The following KMT5B variants were observed in gnomAD, a reference collection of about 807,000 sequenced individuals.
KMT5B encodes the protein histone-lysine N-methyltransferase KMT5B.
KMT5B carries 10 observed loss-of-function variants against 83.2 expected under a neutral mutation model. The observed-to-expected ratio is 0.12, with a 90% CI of 0.07 to 0.20. The LOEUF (loss-of-function observed/expected upper bound fraction) is 0.20. KMT5B is among the 10% of genes least tolerant of loss of function. The pLI, the probability that KMT5B is intolerant of heterozygous loss-of-function variation, is 1.00. For synonymous variants in KMT5B, 349 were observed against 388.8 expected (o/e 0.90, Z 1.20); for missense variants, 753 against 1,067.2 (o/e 0.71, Z 4.10).
chr11:68,187,973 T>C (rs895568670), intron 2 of KMT5B, among the ~76,000 whole-genome samples: 20 of 152,176 alleles, frequency 1.3e-4, no homozygotes, highest in Middle Eastern at 3.4e-3. Context: ...TAGCCCTCTA[T>C]ATTTATCTAT....
At chr11:68,174,586 T>C (rs900109921) in intron 5 of KMT5B, among the ~76,000 whole-genome samples, 6 of 152,298 alleles carry the variant, frequency 3.9e-5, no homozygotes, top group Admixed American at 3.9e-4. Flanking sequence ...TGGAGCGCAG[T>C]GGCATGATCA....
intron 1 of KMT5B, among the ~76,000 whole-genome samples, chr11:68,212,937 G>A (rs972365760): frequency 6.9e-6 from 1 of 144,794 alleles, no homozygotes; most frequent in South Asian, 2.1e-4. Context: ...ACCACTGCAG[G>A]CCCCGCGCCG....
In KMT5B at chr11:68,171,817, C is replaced by T; in HGVS notation, c.654-108G>A. On this transcript the variant is annotated intron_variant, in intron 6 of 10. Coordinates refer to ENST00000304363, the MANE Select transcript of KMT5B (RefSeq NM_017635.5). The surrounding 1 kb of genome is among the most constrained non-coding windows in gnomAD (Gnocchi z 5.1). ...AATATCAGAAACTGAAAAGGCCTAG[C>T]TGTCTATACTTTAGTTAGCTCACTG... 2 of 918,618 alleles carry T rather than the reference C, an allele frequency of 2.2e-6. No homozygotes were observed. The highest frequency in any genetic ancestry group is 3.2e-6 in the Non-Finnish European group (2 of 615,678). 56.9% of individuals were successfully genotyped at this position (918,618 alleles called of 1,614,324 possible). A position where few individuals can be genotyped will look rare whatever the true frequency, so the allele number is the denominator to read the frequency against.
intron 1 of KMT5B, among the ~76,000 whole-genome samples, chr11:68,211,378 T>C (rs536930172): frequency 6.6e-6 from 1 of 152,326 alleles, no homozygotes; most frequent in Admixed American, 6.5e-5. Context: ...GAAATGATCA[T>C]GGATAAAGAA....
At chr11:68,170,033 A>C (rs868452110) in intron 9 of KMT5B, among the ~76,000 whole-genome samples, 10 of 152,284 alleles carry the variant, frequency 6.6e-5, no homozygotes, top group Middle Eastern at 3.4e-3. Flanking sequence ...CTCTCACCAC[A>C]CAGTTGGAAA....
chr11:68,172,917 G>A (rs974235992), intron 6 of KMT5B, among the ~76,000 whole-genome samples: 1 of 152,180 alleles, frequency 6.6e-6, no homozygotes, highest in African/African-American at 2.4e-5. Flanking sequence ...AAATATCAGA[G>A]GGTGGGTACA....
chr11:68,189,549 A>C (rs1347765026), intron 2 of KMT5B: 1 of 158,168 alleles, frequency 6.3e-6, no homozygotes, highest in Non-Finnish European at 1.4e-5. Context: ...CATTTGTGGA[A>C]ATTAGCAAAG....
rs533703895 is a variant in KMT5B, at chr11:68,188,095, G to A, written c.160+1822C>T. 1.7e-4 allele frequency among the ~76,000 whole-genome samples: 25 copies of A among 151,338 alleles called. 1 individual carries two copies. The South Asian group carries it at 5.0e-3, about 30-fold the overall frequency. On this transcript the variant is annotated intron_variant, in intron 2 of 10. Transcript: ENST00000304363. ...GCTGGAGTGCAGTGACGCAATCTCG[G>A]CTCACTGCAAGCTCTGCCTCCCGGG... is the stretch of plus-strand genomic sequence containing the variant.
chr11:68,168,754 G>A (rs73509340), intron 9 of KMT5B, among the ~76,000 whole-genome samples: 3,057 of 152,236 alleles, frequency 0.02, 106 homozygotes, highest in African/African-American at 0.069. Context: ...TGTCTAGCGC[G>A]ACTCAGTGTC....
rs1859432841 is a variant in KMT5B, at chr11:68,158,111, G to T, written c.2235C>A (p.Ile745=). 6.2e-7 allele frequency: 1 copy of T among 1,614,124 alleles called. No individual in the cohort carries two copies. The highest frequency in any genetic ancestry group is 1.7e-5 in the Admixed American group (1 of 60,012). ...NDGMNSSKIS[I]KLSKDHDNDN... is the part of the protein sequence containing the mutation. ...CGTTGTCATGGTCTTTGCTTAACTT[G>T]ATGCTTATTTTGGAAGAGTTCATTC... Residue 745 remains isoleucine, a synonymous_variant, in exon 11 of 11, where the codon ATC becomes ATA. Coordinates refer to ENST00000304363, the MANE Select transcript of KMT5B (RefSeq NM_017635.5).
At chr11:68,207,151 T>C (rs1318575244) in intron 1 of KMT5B, among the ~76,000 whole-genome samples, 4 of 151,648 alleles carry the variant, frequency 2.6e-5, no homozygotes, top group Non-Finnish European at 4.4e-5. Flanking sequence ...GAGGCGGAGC[T>C]TGCAGTGAGC....
intron 1 of KMT5B, among the ~76,000 whole-genome samples, chr11:68,209,291 G>GGCA (rs1860566251): frequency 6.6e-6 from 1 of 152,164 alleles, no homozygotes; most frequent in African/African-American, 2.4e-5. Flanking sequence ...AGAGCTGCCA[G>GGCA]GCACTGTTCG....
At chr11:68,208,784 A>G (rs1171659457) in intron 1 of KMT5B, among the ~76,000 whole-genome samples, 1 of 151,838 alleles carries the variant, frequency 6.6e-6, no homozygotes, top group Non-Finnish European at 1.5e-5. Context: ...CCAGGAGACT[A>G]AGGCTGCAGT....
chr11:68,174,014 G>GT (rs1856096785), intron 5 of KMT5B, 101 bp from the exon 6 acceptor site: 1 of 802,606 alleles, frequency 1.2e-6, no homozygotes, highest in Non-Finnish European at 2.1e-6. Context: ...TGAAAAAAAT[G>GT]TAAGATCTAG....
At chr11:68,211,726 TG>T (rs1180821404) in intron 1 of KMT5B, among the ~76,000 whole-genome samples, 2 of 151,238 alleles carry the variant, frequency 1.3e-5, no homozygotes, top group Non-Finnish European at 2.9e-5. Context: ...GTGTACGGGG[TG>T]GAGAAAAGGG....
chr11:68,210,535 G>A (rs1860766753), intron 1 of KMT5B, among the ~76,000 whole-genome samples: 1 of 152,108 alleles, frequency 6.6e-6, no homozygotes, highest in Non-Finnish European at 1.5e-5. Context: ...CAGTGATAGA[G>A]CAGAGAATGG....
chr11:68,164,822 G>T (rs940067954), intron 10 of KMT5B: 2 of 444,036 alleles, frequency 4.5e-6, no homozygotes, highest in African/African-American at 2.0e-5. Flanking sequence ...CCTCCAGTTT[G>T]TTCTGCTTAC....
At chr11:68,173,437 C>T (rs1476463763) in intron 6 of KMT5B, among the ~76,000 whole-genome samples, 1 of 152,148 alleles carries the variant, frequency 6.6e-6, no homozygotes, top group Non-Finnish European at 1.5e-5. Flanking sequence ...GGTTTCCACC[C>T]ATAAAACTAG....
At position 68,159,114 on chromosome 11, in the gene KMT5B, G is replaced by A. The variant is rs759670077; in HGVS notation, c.1232C>T (p.Thr411Met). ...VKKNSKSRTL[T>M]RQSMSRIPAS... Reference sequence around the variant, plus strand: ...TGGAATTCTTGACATAGATTGCCTCGTTAACGTTCTGCTCTTGCTATTCTT... The same window carrying A: ...TGGAATTCTTGACATAGATTGCCTCATTAACGTTCTGCTCTTGCTATTCTT... The change falls in exon 11 of 11, where the codon ACG becomes ATG. Residue 411 changes from threonine to methionine, a missense_variant. Thr to Met is a moderately conservative substitution (Grantham distance 81, BLOSUM62 -1). Transcript: ENST00000304363. 1.1e-5 allele frequency: 17 copies of A among 1,599,054 alleles called. No individual in the cohort carries two copies. Among genetic ancestry groups the A allele is most frequent in the Admixed American group, 5.4e-5 (3 of 55,480 alleles).
Sources: allele counts gnomAD v4.1 joint callset (sites outside exome capture counted in the v4.1 genomes callset), GRCh38; gene constraint gnomAD v4.1.1; non-coding constraint Gnocchi (gnomAD v3.1); transcripts MANE v1.5; gene names NCBI Gene and HGNC (gene_info 2026-07-23, HGNC 2026-07-21).